MAGI2: variants seen among roughly 807,000 people sequenced by gnomAD.
MAGI2 encodes the protein membrane-associated guanylate kinase, WW and PDZ domain-containing protein 2.
MAGI2 carries 35 observed loss-of-function variants against 133.3 expected under a neutral mutation model. The ratio of observed to expected loss-of-function variants is 0.26; its 90% CI spans 0.20 to 0.35. MAGI2 has a LOEUF of 0.35. Among genes scored for constraint, MAGI2 ranks in the 10% least tolerant of loss-of-function variants. The pLI is 1.00. For missense variants in MAGI2, 1,636 were observed against 1,863.4 expected, an observed-to-expected ratio of 0.88 and a Z score of 2.25; for synonymous variants, 729 against 710.6, an observed-to-expected ratio of 1.03 and a Z score of -0.41.
At chr7:79,154,208 C>A (rs140845883) in intron 1 of MAGI2, among the ~76,000 whole-genome samples, 210 of 152,204 alleles carry the variant, frequency 1.4e-3, no homozygotes, top group African/African-American at 4.9e-3. Context: ...TCTATTTGTA[C>A]CTTTCAAATG....
chr7:79,213,990 A>G (rs910303728), intron 1 of MAGI2, among the ~76,000 whole-genome samples: 3 of 152,004 alleles, frequency 2.0e-5, no homozygotes, highest in African/African-American at 7.3e-5. Flanking sequence ...CCAAAATGAT[A>G]AGAGGAAACA....
chr7:78,479,553 G>A, intron 6 of MAGI2, among the ~76,000 whole-genome samples: 1 of 151,906 alleles, frequency 6.6e-6, no homozygotes, highest in East Asian at 1.9e-4. Flanking sequence ...ACCAAAAATA[G>A]CATTGGGAAG....
At position 78,792,430 on chromosome 7, in the gene MAGI2, C is replaced by G. The variant is rs12113110; in HGVS notation, c.419-165191G>C. ...CAAGTGAGCTATACTACAATAGCAC[C>G]GCTATAGAGATTTATCAAAAGATGA... On this transcript the variant is annotated intron_variant, in intron 2 of 21. Transcript: ENST00000354212. 1.4e-4 allele frequency among the ~76,000 whole-genome samples: 21 copies of G among 152,036 alleles called. 1 individual carries two copies. Among genetic ancestry groups the G allele is most frequent in the African/African-American group, 3.9e-4 (16 of 41,360 alleles).
At chr7:79,230,716 T>C (rs1585266029) in intron 1 of MAGI2, among the ~76,000 whole-genome samples, 4 of 152,220 alleles carry the variant, frequency 2.6e-5, no homozygotes, top group African/African-American at 7.2e-5. Context: ...GAGTAGGTTG[T>C]GAAAATTTTC....
Position 78,935,773 on chromosome 7 carries a change from C to G in MAGI2, c.418+71317G>C, listed in dbSNP as rs559602167. On this transcript the variant is annotated intron_variant, in intron 2 of 21. Coordinates refer to ENST00000354212, the MANE Select transcript of MAGI2 (RefSeq NM_012301.4). Reference sequence around the variant, plus strand: ...TCATAAGAGTCAAAGATCATTGACTCTCTGTAAACTGTAAAGTTATATTGG... The same window carrying G: ...TCATAAGAGTCAAAGATCATTGACTGTCTGTAAACTGTAAAGTTATATTGG... 9.2e-4 allele frequency among the ~76,000 whole-genome samples: 140 copies of G among 152,110 alleles called. No homozygotes were observed. In the South Asian group the frequency reaches 9.7e-3, roughly 11 times the overall value.
chr7:78,718,439 C>T (rs1819935202), intron 2 of MAGI2, among the ~76,000 whole-genome samples: 1 of 151,916 alleles, frequency 6.6e-6, no homozygotes. Context: ...GTATTTATAG[C>T]TACTCCCCAT....
intron 1 of MAGI2, among the ~76,000 whole-genome samples, chr7:79,302,785 T>G (rs1363977268): frequency 6.6e-6 from 1 of 152,176 alleles, no homozygotes; most frequent in Non-Finnish European, 1.5e-5. Context: ...GGAAGCAGCA[T>G]GAGCTTATGA....
At chr7:78,592,834 T>A (rs940238082) in intron 3 of MAGI2, among the ~76,000 whole-genome samples, 9 of 73,920 alleles carry the variant, frequency 1.2e-4, no homozygotes, top group Middle Eastern at 0.024. Flanking sequence ...TTCTCTTTTT[T>A]TTTTTTTTTT....
chr7:79,006,352 G>C (rs1807448522), intron 2 of MAGI2, among the ~76,000 whole-genome samples: 1 of 152,118 alleles, frequency 6.6e-6, no homozygotes, highest in African/African-American at 2.4e-5. Context: ...TGAAGTGCAT[G>C]GAATCTGCCT....
intron 20 of MAGI2, among the ~76,000 whole-genome samples, chr7:78,109,079 C>T (rs1455872952): frequency 9.4e-5 from 14 of 148,606 alleles, no homozygotes; most frequent in Middle Eastern, 7.6e-3. Context: ...CCGAGGCGGG[C>T]GGATCACGAG....
At chr7:78,219,194 C>T (rs1470265644) in intron 10 of MAGI2, among the ~76,000 whole-genome samples, 1 of 152,134 alleles carries the variant, frequency 6.6e-6, no homozygotes. Context: ...GTCTCCCTCT[C>T]TCTCATGGTT....
chr7:79,313,046 G>A (rs62458963), intron 1 of MAGI2, among the ~76,000 whole-genome samples: 13,465 of 152,202 alleles, frequency 0.088, 850 homozygotes, highest in Middle Eastern at 0.15. Flanking sequence ...TTTTAAACAT[G>A]TAAGAGAAAA....
intron 3 of MAGI2, among the ~76,000 whole-genome samples, chr7:78,598,075 TG>T (rs1804806900): frequency 6.6e-6 from 1 of 152,216 alleles, no homozygotes; most frequent in Admixed American, 6.5e-5. Flanking sequence ...CAAAGAAGAA[TG>T]GTTCAACATT....
chr7:78,521,679 A>G, intron 3 of MAGI2, 34 bp from the exon 4 acceptor site: 3 of 1,561,044 alleles, frequency 1.9e-6, no homozygotes, highest in Non-Finnish European at 2.6e-6. Flanking sequence ...TTGGAGTTAA[A>G]TATTTCTTCT....
intron 7 of MAGI2, chr7:78,351,914 C>T (rs1299142615): frequency 6.6e-6 from 1 of 152,132 alleles, no homozygotes; most frequent in Non-Finnish European, 1.5e-5. Context: ...TGAACTCAGT[C>T]TCTGTAGTCA....
chr7:78,049,367 C>G (rs2151104002), intron 21 of MAGI2, among the ~76,000 whole-genome samples: 1 of 152,312 alleles, frequency 6.6e-6, no homozygotes, highest in Non-Finnish European at 1.5e-5. Context: ...TCATCTTTGG[C>G]TCAGAGCAGT....
intron 1 of MAGI2, among the ~76,000 whole-genome samples, chr7:79,094,008 C>A (rs1227266601): frequency 1.3e-5 from 2 of 152,110 alleles, no homozygotes; most frequent in Non-Finnish European, 2.9e-5. Context: ...AGCCACCTCA[C>A]CTGGCCCAGC....
At chr7:79,023,909 C>T (rs777231513) in intron 1 of MAGI2, among the ~76,000 whole-genome samples, 10 of 152,062 alleles carry the variant, frequency 6.6e-5, no homozygotes, top group Non-Finnish European at 1.5e-4. Flanking sequence ...GGCCATACTG[C>T]CCAAAGCAAT....
At chr7:78,146,485 T>G (rs1168612223) in intron 16 of MAGI2, among the ~76,000 whole-genome samples, 2 of 152,192 alleles carry the variant, frequency 1.3e-5, no homozygotes, top group Non-Finnish European at 2.9e-5. Flanking sequence ...TAAAGTTTTA[T>G]GTACCCAACG....
Sources: allele counts gnomAD v4.1 joint callset (sites outside exome capture counted in the v4.1 genomes callset), GRCh38; gene constraint gnomAD v4.1.1; transcripts MANE v1.5; gene names NCBI Gene and HGNC (gene_info 2026-07-23, HGNC 2026-07-21).